The following ETF1 variants were observed in gnomAD, a reference collection of about 807,000 sequenced individuals.
ETF1 encodes the protein eukaryotic translation termination factor 1.
A neutral mutation model predicts 55.1 loss-of-function variants in ETF1; 4 were observed. That is an observed-to-expected ratio of 0.07 (90% CI 0.04 to 0.17). The LOEUF (loss-of-function observed/expected upper bound fraction) is 0.17. Ranked by LOEUF, ETF1 falls within the 10% of genes least tolerant of loss-of-function variation. ETF1 has a pLI of 1.00. For missense variants in ETF1, 142 were observed against 523.6 expected (o/e 0.27, Z 7.11); for synonymous variants, 157 against 182.3 (o/e 0.86, Z 1.12).
At chr5:138,515,315 C>T (rs982684718) in intron 4 of ETF1, among the ~76,000 whole-genome samples, 2 of 152,186 alleles carry the variant, frequency 1.3e-5, no homozygotes, top group Non-Finnish European at 2.9e-5. Flanking sequence ...ATCCCAGCTA[C>T]TCAGGAGGCT....
chr5:138,535,984 T>A (rs1189521300), intron 2 of ETF1, among the ~76,000 whole-genome samples: 1 of 151,564 alleles, frequency 6.6e-6, no homozygotes, highest in Non-Finnish European at 1.5e-5. Context: ...TGAAAATGGT[T>A]TATATTATCA....
intron 4 of ETF1, among the ~76,000 whole-genome samples, chr5:138,516,688 T>A (rs1765034448): frequency 6.6e-6 from 1 of 152,224 alleles, no homozygotes; most frequent in African/African-American, 2.4e-5. Context: ...ATTGCCTTAC[T>A]TTTTGAAAAC....
At chr5:138,535,338 CT>C (rs70982720) in intron 2 of ETF1, among the ~76,000 whole-genome samples, 59,370 of 149,182 alleles carry the variant, frequency 0.4, 12,324 homozygotes, top group East Asian at 0.8. Context: ...GAATAATTGG[CT>C]TTTTTTTTTG....
intron 2 of ETF1, chr5:138,542,544 G>A: frequency 1.7e-6 from 2 of 1,144,478 alleles, no homozygotes. Context: ...GGAGGACCTG[G>A]ACTTAAGGGC....
rs981342974 is a variant in ETF1, at chr5:138,508,227, T to C, written c.*78A>G. The stretch of plus-strand genomic sequence containing the variant: ...TTCCAATTGTAAGGCAGGGATCTGT[T>C]TGGATTCCACCATGGGTATGCTCCT... On this transcript the variant is annotated 3_prime_UTR_variant, in exon 11 of 11. Coordinates refer to ENST00000360541, the MANE Select transcript of ETF1 (RefSeq NM_004730.4). 2.3e-5 allele frequency: 35 copies of C among 1,498,816 alleles called. No homozygotes were observed. The highest frequency in any genetic ancestry group is 3.1e-5 in the Non-Finnish European group (34 of 1,101,432). The allele number at this position is 1,498,816 out of a possible 1,614,324, so 92.8% of individuals were successfully genotyped here.
At chr5:138,532,333 G>A (rs538605915) in intron 2 of ETF1, among the ~76,000 whole-genome samples, 2 of 152,318 alleles carry the variant, frequency 1.3e-5, no homozygotes, top group African/African-American at 2.4e-5. Context: ...CTCACGTCCA[G>A]CTCTATCACT....
At chr5:138,510,831 G>C (rs549681050) in intron 8 of ETF1, 8 of 716,758 alleles carry the variant, frequency 1.1e-5, no homozygotes, top group African/African-American at 7.7e-5. Flanking sequence ...TCAAGATATA[G>C]TCCTGGTCCT....
intron 2 of ETF1, among the ~76,000 whole-genome samples, chr5:138,535,854 G>A (rs555308980): frequency 3.5e-5 from 4 of 113,626 alleles, no homozygotes; most frequent in African/African-American, 9.8e-5. Flanking sequence ...AAGCCTGGGC[G>A]GGAAAGCGAG....
At position 138,518,635 on chromosome 5, in the gene ETF1, C is replaced by T. The variant is rs538639506; in HGVS notation, c.262+57G>A. The T allele has an allele frequency of 2.1e-4, 305 of 1,443,506 alleles. 1 individual carries two copies. The African/African-American group carries it at 3.9e-3, about 19-fold the overall frequency. 89.4% of individuals were successfully genotyped at this position (1,443,506 alleles called of 1,614,324 possible). Reference sequence around the variant, plus strand: ...TGAACAAAGCACCATAGCAGCATCACAGTATAAAACATAACCAAAATGTGT... The same window carrying T: ...TGAACAAAGCACCATAGCAGCATCATAGTATAAAACATAACCAAAATGTGT... On this transcript the variant is annotated intron_variant, in intron 3 of 10. Coordinates refer to ENST00000360541, the MANE Select transcript of ETF1 (RefSeq NM_004730.4).
At chr5:138,515,797 G>T (rs1184332893) in intron 4 of ETF1, among the ~76,000 whole-genome samples, 1 of 152,236 alleles carries the variant, frequency 6.6e-6, no homozygotes, top group Non-Finnish European at 1.5e-5. Context: ...AGTGGTTTCA[G>T]TGGCTGAGAG....
intron 2 of ETF1, among the ~76,000 whole-genome samples, chr5:138,520,037 C>A (rs1765172594): frequency 7.0e-6 from 1 of 143,472 alleles, no homozygotes; most frequent in African/African-American, 2.6e-5. Context: ...CTTGGAAAAC[C>A]AGAAACATAA....
chr5:138,522,998 T>A (rs572818636), intron 2 of ETF1, among the ~76,000 whole-genome samples: 30 of 143,040 alleles, frequency 2.1e-4, no homozygotes, highest in African/African-American at 6.0e-4. Flanking sequence ...AGAGCAAGAC[T>A]CCATCTCAAA....
intron 2 of ETF1, among the ~76,000 whole-genome samples, chr5:138,524,790 A>T (rs183009496): frequency 2.6e-5 from 4 of 151,774 alleles, no homozygotes; most frequent in East Asian, 3.9e-4. Flanking sequence ...GTTGGCCAGG[A>T]TGGTCTTGAT....
Position 138,542,934 on chromosome 5 carries a change from T to A in ETF1, c.-16A>T, listed in dbSNP as rs1766248303. 6.2e-7 allele frequency: 1 copy of A among 1,613,124 alleles called. No homozygotes were observed. The highest frequency in any genetic ancestry group is 8.5e-7 in the Non-Finnish European group (1 of 1,179,642). On this transcript the variant is annotated splice_region_variant and 5_prime_UTR_variant, in exon 2 of 11. Transcript: ENST00000360541. ...CGTCCGCCATCTTCTCGCCTCCTCC[T>A]CCCTAGAGCGGCCCGGCGGGGCCCG...
At chr5:138,537,905 T>C (rs1766009193) in intron 2 of ETF1, among the ~76,000 whole-genome samples, 1 of 146,382 alleles carries the variant, frequency 6.8e-6, no homozygotes, top group African/African-American at 2.5e-5. Context: ...ATTTTTTTTT[T>C]TTCTGAGACT....
At chr5:138,536,735 G>C (rs558211112) in intron 2 of ETF1, among the ~76,000 whole-genome samples, 18 of 152,260 alleles carry the variant, frequency 1.2e-4, no homozygotes, top group African/African-American at 4.3e-4. Flanking sequence ...TAGGATCGAA[G>C]ACCATTTATA....
At chr5:138,529,848 G>T in intron 2 of ETF1, 1 of 279,194 alleles carries the variant, frequency 3.6e-6, no homozygotes, top group Non-Finnish European at 5.4e-6. Context: ...GAAACTCCTG[G>T]GTTCAAGTGA....
chr5:138,513,024 A>C (rs1027506824), intron 5 of ETF1, 70 bp from the exon 6 acceptor site: 2 of 1,439,176 alleles, frequency 1.4e-6, no homozygotes, highest in African/African-American at 1.5e-5. Context: ...AATTAAAAAT[A>C]AAATAATCAT....
intron 2 of ETF1, among the ~76,000 whole-genome samples, chr5:138,526,422 G>C (rs1308289707): frequency 6.6e-6 from 1 of 152,140 alleles, no homozygotes; most frequent in Non-Finnish European, 1.5e-5. Flanking sequence ...GTGTACTATA[G>C]TGTCTTCGGT....
Sources: allele counts gnomAD v4.1 joint callset (sites outside exome capture counted in the v4.1 genomes callset), GRCh38; gene constraint gnomAD v4.1.1; transcripts MANE v1.5; gene names NCBI Gene and HGNC (gene_info 2026-07-23, HGNC 2026-07-21).